LRMDA: variants seen among roughly 807,000 people sequenced by gnomAD.
The protein encoded by LRMDA is leucine rich melanocyte differentiation associated.
In LRMDA, 18 loss-of-function variants were observed where a neutral mutation model predicts 29.8. That is an observed-to-expected ratio of 0.60 (90% CI 0.42 to 0.90). The LOEUF is 0.90. LRMDA is among the 40% of genes least tolerant of loss of function. LRMDA has a pLI of 0.00. For missense variants in LRMDA, 273 were observed against 273.9 expected, an observed-to-expected ratio of 1.00 and a Z score of 0.02; for synonymous variants, 125 against 109.4, an observed-to-expected ratio of 1.14 and a Z score of -0.89.
chr10:76,471,758 A>G (rs925223043), intron 6 of LRMDA, among the ~76,000 whole-genome samples: 1 of 151,766 alleles, frequency 6.6e-6, no homozygotes, highest in Non-Finnish European at 1.5e-5. Flanking sequence ...AACAATAAGA[A>G]AATTGGAGTG....
chr10:75,431,694 C>G lies in LRMDA; in HGVS notation c.-31C>G, dbSNP rs1173580797. ...CTGCTGCCGCCGCGCCCCCGCGCTC[C>G]GTCCCGCGCGCCCGCAGCGTCCTGG... On this transcript the variant is annotated 5_prime_UTR_variant, in exon 1 of 7. Coordinates refer to ENST00000611255, the MANE Select transcript of LRMDA (RefSeq NM_001305581.2). 4.6e-6 allele frequency: 6 copies of G among 1,291,368 alleles called. No individual in the cohort carries two copies. The highest frequency in any genetic ancestry group is 3.1e-5 in the African/African-American group (2 of 64,718). The allele number at this position is 1,291,368 out of a possible 1,614,324, so 80.0% of individuals were successfully genotyped here.
At chr10:76,153,184 A>T (rs4746368) in intron 5 of LRMDA, among the ~76,000 whole-genome samples, 21,723 of 152,010 alleles carry the variant, frequency 0.14, 1,722 homozygotes, top group East Asian at 0.24. Flanking sequence ...TATATTGTTG[A>T]GTTACAAGAG....
chr10:76,017,189 G>A (rs1430201435), intron 2 of LRMDA, among the ~76,000 whole-genome samples: 1 of 152,242 alleles, frequency 6.6e-6, no homozygotes, highest in Admixed American at 6.5e-5. Context: ...CCGCATGAAG[G>A]CCGGAGTTAG....
At chr10:75,807,816 A>G (rs1843883114) in intron 2 of LRMDA, among the ~76,000 whole-genome samples, 1 of 152,200 alleles carries the variant, frequency 6.6e-6, no homozygotes, top group Non-Finnish European at 1.5e-5. Context: ...GAGTGTGTAA[A>G]CAGAGGCATG....
intron 4 of LRMDA, among the ~76,000 whole-genome samples, chr10:76,055,090 A>G (rs1307257803): frequency 4.1e-5 from 6 of 146,494 alleles, no homozygotes; most frequent in South Asian, 2.2e-4. Context: ...AAAAAAAAAA[A>G]AAAAGAAAAA....
chr10:75,862,668 G>A (rs78079851), intron 2 of LRMDA, among the ~76,000 whole-genome samples: 3,884 of 152,262 alleles, frequency 0.026, 154 homozygotes, highest in African/African-American at 0.086. Flanking sequence ...AATCGGTAGT[G>A]CATTAACAGG....
chr10:76,221,536 A>C (rs1228587593), intron 5 of LRMDA, among the ~76,000 whole-genome samples: 1 of 152,246 alleles, frequency 6.6e-6, no homozygotes, highest in Non-Finnish European at 1.5e-5. Context: ...AAAGAGAATA[A>C]AATACCTAGG....
chr10:75,960,934 A>T lies in LRMDA; in HGVS notation c.132-75074A>T, dbSNP rs145227605. ...CCGGCCTGGTTTTAATCCAATTTTA[A>T]GAGATAAACCTAGTCTCTAACCTGA... On this transcript the variant is annotated intron_variant, in intron 2 of 6. Transcript: ENST00000611255. Among the ~76,000 whole-genome samples the T allele has an allele frequency of 7.9e-3, 1,200 of 152,246 alleles. 20 individuals are homozygous for T. Among genetic ancestry groups the T allele is most frequent in the African/African-American group, 0.028 (1,149 of 41,546 alleles).
chr10:76,280,224 A>T (rs10740456), intron 5 of LRMDA, among the ~76,000 whole-genome samples: 1 of 152,000 alleles, frequency 6.6e-6, no homozygotes, highest in Admixed American at 6.5e-5. Context: ...TAATCCTTAG[A>T]CTTTATAGGA....
At chr10:75,627,154 TCA>T (rs1464504707) in intron 2 of LRMDA, among the ~76,000 whole-genome samples, 3 of 152,264 alleles carry the variant, frequency 2.0e-5, no homozygotes, top group African/African-American at 7.2e-5. Context: ...TAGTGACCTA[TCA>T]GTTGAGCTTG....
At chr10:75,762,735 G>A (rs1354826788) in intron 2 of LRMDA, among the ~76,000 whole-genome samples, 1 of 152,178 alleles carries the variant, frequency 6.6e-6, no homozygotes. Flanking sequence ...TGCAGATAAA[G>A]TTTTTAGAAT....
At chr10:75,981,800 C>T (rs1046614217) in intron 2 of LRMDA, among the ~76,000 whole-genome samples, 1 of 149,614 alleles carries the variant, frequency 6.7e-6, no homozygotes, top group African/African-American at 2.5e-5. Flanking sequence ...TGCAGTGAGC[C>T]GAGACCACAC....
intron 2 of LRMDA, among the ~76,000 whole-genome samples, chr10:75,962,674 T>C (rs1018656761): frequency 2.6e-5 from 4 of 152,236 alleles, no homozygotes; most frequent in Non-Finnish European, 5.9e-5. Context: ...GGTGAGTGGC[T>C]ATGTGACAAA....
At chr10:75,668,644 T>C (rs1323458158) in intron 2 of LRMDA, among the ~76,000 whole-genome samples, 1 of 152,202 alleles carries the variant, frequency 6.6e-6, no homozygotes, top group Non-Finnish European at 1.5e-5. Flanking sequence ...GAAAAATTTT[T>C]TTGAATGAAT....
At chr10:75,627,707 A>C (rs896382555) in intron 2 of LRMDA, among the ~76,000 whole-genome samples, 3 of 152,182 alleles carry the variant, frequency 2.0e-5, no homozygotes, top group Non-Finnish European at 4.4e-5. Context: ...TACCTCTACC[A>C]CAGGAGAAGA....
At chr10:76,074,216 G>T (rs1848920895) in intron 5 of LRMDA, among the ~76,000 whole-genome samples, 1 of 152,148 alleles carries the variant, frequency 6.6e-6, no homozygotes. Flanking sequence ...TAAATATGAA[G>T]TTTTCAGCAT....
chr10:75,495,249 TCTCCCTCC>T (rs983917114), intron 2 of LRMDA, among the ~76,000 whole-genome samples: 4 of 152,084 alleles, frequency 2.6e-5, no homozygotes, highest in African/African-American at 7.2e-5. Flanking sequence ...CTTCTCCCTC[TCTCCCTCC>T]CTCCCTTCTG....
chr10:75,924,750 G>A (rs556621326), intron 2 of LRMDA, among the ~76,000 whole-genome samples: 15 of 152,142 alleles, frequency 9.9e-5, no homozygotes, highest in East Asian at 1.9e-4. Context: ...GGGGGTGGGG[G>A]CGCAGAGAGC....
At chr10:76,547,483 A>G (rs1190253957) in intron 6 of LRMDA, among the ~76,000 whole-genome samples, 5 of 152,036 alleles carry the variant, frequency 3.3e-5, no homozygotes, top group Non-Finnish European at 1.5e-5. Context: ...CTCTCCCTGA[A>G]TAGTTGCCGC....
Sources: gnomAD v4.1 joint callset for allele counts (sites outside exome capture counted in the v4.1 genomes callset) on GRCh38, gnomAD v4.1.1 for gene constraint, MANE v1.5 for transcripts, NCBI Gene and HGNC (gene_info 2026-07-23, HGNC 2026-07-21) for gene names.